The following KIAA1328 variants were observed in gnomAD, a reference collection of about 807,000 sequenced individuals.
KIAA1328 encodes KIAA1328, also known as protein hinderin.
In KIAA1328, 52 loss-of-function variants were observed where a neutral mutation model predicts 68.1. That is an observed-to-expected ratio of 0.76 (90% CI 0.61 to 0.96). KIAA1328 has a LOEUF of 0.96. Ranked by LOEUF, KIAA1328 falls within the 40% of genes least tolerant of loss-of-function variation. The pLI, the probability that KIAA1328 is intolerant of heterozygous loss-of-function variation, is 0.00. For synonymous variants in KIAA1328, 232 were observed against 239.4 expected (o/e 0.97, Z 0.28); for missense variants, 641 against 677.6 (o/e 0.95, Z 0.60).
chr18:37,184,519 T>C (rs990262587), intron 9 of KIAA1328, among the ~76,000 whole-genome samples: 4 of 152,218 alleles, frequency 2.6e-5, no homozygotes, highest in African/African-American at 9.6e-5. Context: ...AGTTTATTGT[T>C]TGGGTTTTCT....
At chr18:36,871,405 G>A (rs1473741782) in intron 4 of KIAA1328, among the ~76,000 whole-genome samples, 1 of 152,040 alleles carries the variant, frequency 6.6e-6, no homozygotes, top group African/African-American at 2.4e-5. Flanking sequence ...ATGCCTTTTT[G>A]CTGATGATGT....
intron 6 of KIAA1328, among the ~76,000 whole-genome samples, chr18:36,971,670 T>A (rs1421212112): frequency 6.6e-6 from 1 of 152,088 alleles, no homozygotes; most frequent in Non-Finnish European, 1.5e-5. Flanking sequence ...CTGTATACCA[T>A]GAAATACTAT....
intron 6 of KIAA1328, among the ~76,000 whole-genome samples, chr18:37,002,130 C>T (rs1486398123): frequency 6.6e-6 from 1 of 151,962 alleles, no homozygotes; most frequent in African/African-American, 2.4e-5. Flanking sequence ...ATCAAAAAAG[C>T]TCTTTGAGCT....
chr18:37,196,707 A>G (rs955682476), intron 9 of KIAA1328, among the ~76,000 whole-genome samples: 1 of 151,988 alleles, frequency 6.6e-6, no homozygotes, highest in East Asian at 1.9e-4. Context: ...TTTTGCTTCT[A>G]TGTTTATCAG....
intron 7 of KIAA1328, among the ~76,000 whole-genome samples, chr18:37,113,415 A>G (rs1021128483): frequency 1.3e-5 from 2 of 152,332 alleles, no homozygotes; most frequent in South Asian, 2.1e-4. Context: ...ACTAAGCTTC[A>G]TAAGCAAAGG....
chr18:36,830,642 A>G (rs946234115), intron 1 of KIAA1328, among the ~76,000 whole-genome samples: 1 of 152,184 alleles, frequency 6.6e-6, no homozygotes, highest in Admixed American at 6.5e-5. Flanking sequence ...TATGGACTGA[A>G]CCTAAGCTCT....
chr18:36,980,157 T>G (rs890937828), intron 6 of KIAA1328, among the ~76,000 whole-genome samples: 3 of 152,298 alleles, frequency 2.0e-5, no homozygotes, highest in Admixed American at 2.0e-4. Flanking sequence ...CACCATCTCC[T>G]GAACTATGAG....
chr18:37,094,600 A>G (rs1026557869), intron 7 of KIAA1328, among the ~76,000 whole-genome samples: 7 of 152,226 alleles, frequency 4.6e-5, no homozygotes, highest in African/African-American at 1.7e-4. Flanking sequence ...AAAGGTGCCA[A>G]ATGTTACCAC....
intron 7 of KIAA1328, among the ~76,000 whole-genome samples, chr18:37,156,112 G>A (rs1193558834): frequency 6.6e-6 from 1 of 151,882 alleles, no homozygotes; most frequent in Non-Finnish European, 1.5e-5. Context: ...TTTAAGAATA[G>A]GAACCAGGGC....
intron 9 of KIAA1328, among the ~76,000 whole-genome samples, chr18:37,204,995 A>G (rs2060190887): frequency 6.6e-6 from 1 of 151,970 alleles, no homozygotes; most frequent in Admixed American, 6.6e-5. Context: ...TTTAAACCAA[A>G]GGCACCTTCT....
intron 7 of KIAA1328, among the ~76,000 whole-genome samples, chr18:37,070,365 G>C (rs1021292764): frequency 1.3e-5 from 2 of 152,076 alleles, no homozygotes; most frequent in Admixed American, 1.3e-4. Context: ...TATTCTTGCT[G>C]ATTTTCTACC....
intron 7 of KIAA1328, among the ~76,000 whole-genome samples, chr18:37,089,655 G>T (rs1025585970): frequency 1.3e-5 from 2 of 152,068 alleles, no homozygotes; most frequent in African/African-American, 4.8e-5. Flanking sequence ...GATTACAGGC[G>T]TGAATCACTG....
At position 36,888,134 on chromosome 18, in the gene KIAA1328, T is replaced by C. The variant is rs533222974; in HGVS notation, c.448+2462T>C. 3.9e-5 allele frequency among the ~76,000 whole-genome samples: 6 copies of C among 152,306 alleles called. No homozygotes were observed. In the East Asian group the frequency reaches 1.2e-3, roughly 29 times the overall value. ...TATTATGATACCTAGGTGATTGCAG[T>C]GACACTATTTTTCATGTTTTCCTCA... On this transcript the variant is annotated intron_variant, in intron 5 of 9. Transcript: ENST00000280020.
At chr18:36,948,273 T>C (rs898633466) in intron 5 of KIAA1328, among the ~76,000 whole-genome samples, 3 of 146,332 alleles carry the variant, frequency 2.1e-5, no homozygotes, top group African/African-American at 7.5e-5. Flanking sequence ...TTTTTTTTTT[T>C]TTTTTTTGAG....
chr18:37,193,461 C>T (rs2059945838), intron 9 of KIAA1328: 4 of 621,864 alleles, frequency 6.4e-6, no homozygotes, highest in Non-Finnish European at 1.1e-5. Context: ...TCAAATGTTG[C>T]TACCAAAAAG....
chr18:37,190,829 G>A (rs983852794), intron 9 of KIAA1328, among the ~76,000 whole-genome samples: 3 of 152,080 alleles, frequency 2.0e-5, no homozygotes, highest in South Asian at 2.1e-4. Flanking sequence ...CCTCCCCATC[G>A]ATCTTCATCA....
chr18:37,014,097 G>C (rs770752843), intron 6 of KIAA1328, among the ~76,000 whole-genome samples: 8 of 152,188 alleles, frequency 5.3e-5, no homozygotes, highest in Non-Finnish European at 1.0e-4. Context: ...CTGATGATTA[G>C]TGATGATGTG....
intron 7 of KIAA1328, among the ~76,000 whole-genome samples, chr18:37,099,415 T>G (rs1488367070): frequency 1.3e-5 from 2 of 152,346 alleles, no homozygotes; most frequent in East Asian, 3.9e-4. Flanking sequence ...TGAGTTCTAG[T>G]TTGATTGCAC....
At chr18:37,007,167 A>T (rs1316683821) in intron 6 of KIAA1328, among the ~76,000 whole-genome samples, 1 of 152,206 alleles carries the variant, frequency 6.6e-6, no homozygotes, top group Non-Finnish European at 1.5e-5. Flanking sequence ...GTAGTCCAGA[A>T]CAACAGGACA....
Sources: allele counts gnomAD v4.1 joint callset (sites outside exome capture counted in the v4.1 genomes callset), GRCh38; gene constraint gnomAD v4.1.1; transcripts MANE v1.5; gene names NCBI Gene and HGNC (gene_info 2026-07-23, HGNC 2026-07-21).